The following A2ML1 variants were observed in gnomAD, a reference collection of about 807,000 sequenced individuals.
The protein encoded by A2ML1 is alpha-2-macroglobulin like 1.
A neutral mutation model predicts 181.9 loss-of-function variants in A2ML1; 161 were observed. That is an observed-to-expected ratio of 0.89 (90% CI 0.78 to 1.01). The LOEUF (loss-of-function observed/expected upper bound fraction) is 1.01. Among genes scored for constraint, A2ML1 ranks in the 50% least tolerant of loss-of-function variants. The pLI is 0.00. For synonymous variants in A2ML1, 663 were observed against 666.8 expected, an observed-to-expected ratio of 0.99 and a Z score of 0.09; for missense variants, 1,670 against 1,768.1, an observed-to-expected ratio of 0.94 and a Z score of 1.00.
chr12:8,856,051 G>A (rs759037562), intron 23 of A2ML1, among the ~76,000 whole-genome samples: 6 of 152,162 alleles, frequency 3.9e-5, no homozygotes, highest in Non-Finnish European at 7.3e-5. Context: ...ATAGCCATGT[G>A]ACCCTGAACA....
rs2136997797 is a variant in A2ML1, at chr12:8,874,966, C to T, written c.4325-5C>T. 1 of 1,613,916 alleles carries T rather than the reference C, an allele frequency of 6.2e-7. No homozygotes were observed. Among genetic ancestry groups the T allele is most frequent in the Non-Finnish European group, 8.5e-7 (1 of 1,179,926 alleles). ...AGTAATAATATGACTTATTTCATTT[C>T]ACAGATGAACAGGCAACAATTCAGT... On this transcript the variant is annotated splice_region_variant and splice_polypyrimidine_tract_variant and intron_variant, in intron 34 of 35. Transcript: ENST00000299698.
At chr12:8,886,453 C>T (rs1333163546) in intron 7 of A2ML1, 3 of 152,086 alleles carry the variant, frequency 2.0e-5, no homozygotes, top group African/African-American at 4.8e-5. Context: ...TGTATTTGGA[C>T]CTTGAATCCA....
intron 3 of A2ML1, among the ~76,000 whole-genome samples, chr12:8,824,510 T>G (rs1942864716): frequency 6.6e-6 from 1 of 151,956 alleles, no homozygotes; most frequent in Non-Finnish European, 1.5e-5. Flanking sequence ...CCAATTATAC[T>G]CTCTTAGTAA....
chr12:8,831,762 T>TG (rs1943119989), intron 4 of A2ML1, among the ~76,000 whole-genome samples: 2 of 152,060 alleles, frequency 1.3e-5, no homozygotes, highest in African/African-American at 4.8e-5. Flanking sequence ...TTTTTGTTTT[T>TG]TTTTGAGACG....
chr12:8,846,768 A>C (rs1943700144), intron 14 of A2ML1, among the ~76,000 whole-genome samples: 1 of 149,362 alleles, frequency 6.7e-6, no homozygotes. Flanking sequence ...CAAAGAACAC[A>C]CCATTACACT....
Position 8,823,120 on chromosome 12 carries a change from G to C in A2ML1, c.63-62G>C, listed in dbSNP as rs1005438717. 9.2e-6 allele frequency: 14 copies of C among 1,526,844 alleles called. No homozygotes were observed. The Admixed American group carries it at 1.8e-4, about 19-fold the overall frequency. 94.6% of individuals were successfully genotyped at this position (1,526,844 alleles called of 1,614,324 possible). The stretch of plus-strand genomic sequence containing the variant: ...TGCTACTTGCTGAGCGCTTAGGAGA[G>C]TGCTGGATTTTTCGAGTGAATGAAT... On this transcript the variant is annotated intron_variant, in intron 1 of 35. Coordinates refer to ENST00000299698, the MANE Select transcript of A2ML1 (RefSeq NM_144670.6).
In A2ML1 at chr12:8,845,498, G is replaced by C; in HGVS notation, c.1533G>C (p.Lys511Asn). 6.2e-7 allele frequency: 1 copy of C among 1,614,106 alleles called. No individual in the cohort carries two copies. Among genetic ancestry groups the C allele is most frequent in the Non-Finnish European group, 8.5e-7 (1 of 1,179,980 alleles). ...GGCAGAAACACCTGAACTCTAAGAA[G>C]AAAGGTGAGTGTACATGCTTTTCCC... is the stretch of plus-strand genomic sequence containing the variant. ...MEGQKHLNSKKKGLKASFSLS... is the reference protein window; with the variant it reads ...MEGQKHLNSKNKGLKASFSLS... Residue 511 changes from lysine (K) to asparagine (N), a missense_variant, in exon 13 of 36, where the codon AAG becomes AAC. By Grantham distance (94) the Lys-to-Asn change is moderately conservative. Coordinates refer to ENST00000299698, the MANE Select transcript of A2ML1 (RefSeq NM_144670.6).
At chr12:8,854,339 A>T in intron 21 of A2ML1, 90 bp downstream of exon 21, 9 of 1,478,688 alleles carry the variant, frequency 6.1e-6, no homozygotes, top group Non-Finnish European at 8.1e-6. Flanking sequence ...CAGCAACCAT[A>T]CTCCAGTCCA....
intron 10 of A2ML1, 72 bp downstream of exon 10, chr12:8,839,294 T>C: frequency 2.0e-6 from 2 of 995,886 alleles, no homozygotes; most frequent in East Asian, 4.9e-5. Flanking sequence ...CCTGCAGCCA[T>C]AGCCACATAG....
rs61744222 is a variant in A2ML1, at chr12:8,841,389, T to A, written c.1101T>A (p.Asp367Glu). The change falls in exon 11 of 36, where the codon GAT (aspartate) becomes GAA (glutamate). Residue 367 changes from aspartate to glutamate, a missense_variant. By Grantham distance (45) the Asp-to-Glu change is conservative. Coordinates refer to ENST00000299698, the MANE Select transcript of A2ML1 (RefSeq NM_144670.6). Reference sequence around the variant, plus strand: ...TTCAGATAAGAGTTAGGGGCCATGATGACTCCTTCCTCAAGAACCATCTAG... The same window carrying A: ...TTCAGATAAGAGTTAGGGGCCATGAAGACTCCTTCCTCAAGAACCATCTAG... ...FSGKIRVRGH[D>E]DSFLKNHLVF... 1.2e-5 allele frequency: 19 copies of A among 1,614,030 alleles called. No individual in the cohort carries two copies. The South Asian group carries it at 2.0e-4, about 17-fold the overall frequency.
At chr12:8,851,133 A>C (rs147891337) in intron 18 of A2ML1, among the ~76,000 whole-genome samples, 2 of 152,188 alleles carry the variant, frequency 1.3e-5, no homozygotes, top group African/African-American at 4.8e-5. Flanking sequence ...CTCACTACAG[A>C]ACCACACACA....
intron 11 of A2ML1, among the ~76,000 whole-genome samples, chr12:8,842,501 G>T (rs976499376): frequency 1.3e-5 from 2 of 152,040 alleles, no homozygotes; most frequent in African/African-American, 4.8e-5. Context: ...TTACAGGCGT[G>T]AGCCACCGCG....
chr12:8,845,223 G>T, intron 12 of A2ML1: 1 of 1,534,866 alleles, frequency 6.5e-7, no homozygotes, highest in Non-Finnish European at 8.7e-7. Flanking sequence ...CACCTGCGTG[G>T]TTCTCAGCCA....
At chr12:8,849,886 C>A in intron 17 of A2ML1, 127 bp downstream of exon 17, 1 of 849,112 alleles carries the variant, frequency 1.2e-6, no homozygotes, top group Non-Finnish European at 1.9e-6. Flanking sequence ...TTGTGGGTCA[C>A]AGATGCAGGA....
intron 9 of A2ML1, among the ~76,000 whole-genome samples, chr12:8,838,863 C>T (rs923975691): frequency 2.7e-5 from 4 of 148,898 alleles, no homozygotes; most frequent in East Asian, 4.0e-4. Context: ...TGCAGTGAGC[C>T]GAGATCGTGC....
In A2ML1 at chr12:8,858,082, C is replaced by G; in HGVS notation, c.3244C>G (p.Leu1082Val). 1 of 1,614,140 alleles carries G rather than the reference C, an allele frequency of 6.2e-7. No homozygotes were observed. Among genetic ancestry groups the G allele is most frequent in the African/African-American group, 1.3e-5 (1 of 75,030 alleles). ...PSGCYANVGN[L>V]LHTAMKGGVD... ...TGGCTGCTATGCCAACGTGGGAAAT[C>G]TCCTTCACACAGCTATGAAGGTGCG... Residue 1082 changes from leucine (L) to valine (V), a missense_variant, in exon 26 of 36, where the codon CTC becomes GTC. Transcript: ENST00000299698.
chr12:8,824,796 T>G (rs1253405064), intron 3 of A2ML1, among the ~76,000 whole-genome samples: 1 of 152,190 alleles, frequency 6.6e-6, no homozygotes, highest in African/African-American at 2.4e-5. Flanking sequence ...ACGACTTCAA[T>G]TGTTTTAATT....
At chr12:8,827,139 G>A (rs759439555) in intron 3 of A2ML1, among the ~76,000 whole-genome samples, 5 of 151,866 alleles carry the variant, frequency 3.3e-5, no homozygotes, top group East Asian at 2.0e-4. Flanking sequence ...TGAGTATTTC[G>A]AGACCAGCCT....
intron 4 of A2ML1, among the ~76,000 whole-genome samples, chr12:8,832,640 G>T (rs1351777823): frequency 6.6e-6 from 1 of 152,042 alleles, no homozygotes; most frequent in African/African-American, 2.4e-5. Context: ...CCTCCCTTTG[G>T]GTTTTATAAC....
Sources: gnomAD v4.1 joint callset for allele counts (sites outside exome capture counted in the v4.1 genomes callset) on GRCh38, gnomAD v4.1.1 for gene constraint, MANE v1.5 for transcripts, NCBI Gene and HGNC (gene_info 2026-07-23, HGNC 2026-07-21) for gene names.